Variants in POLE observed in about 807,000 individuals in gnomAD.
The protein encoded by POLE is DNA polymerase epsilon, catalytic subunit.
POLE carries 188 observed loss-of-function variants against 279.2 expected under a neutral mutation model. The observed-to-expected ratio is 0.67, with a 90% CI of 0.60 to 0.76. POLE has a LOEUF of 0.76. Ranked by LOEUF, POLE falls within the 30% of genes least tolerant of loss-of-function variation. The probability of loss-of-function intolerance (pLI) is 0.00; values close to 1 mark genes in which losing one functional copy is unlikely to be tolerated. For synonymous variants in POLE, 1,214 were observed against 1,172.5 expected (o/e 1.04, Z -0.72); for missense variants, 2,703 against 3,016.7 (o/e 0.90, Z 2.44).
rs1593085858 is a variant in POLE, at chr12:132,679,965, C to A, written c.412G>T (p.Asp138Tyr). 6.2e-7 allele frequency: 1 copy of A among 1,611,826 alleles called. No individual in the cohort carries two copies. The highest frequency in any genetic ancestry group is 8.5e-7 in the Non-Finnish European group (1 of 1,178,264). ...TGGGTGATACTCACCAAGTCCAGAT[C>A]CTCTTTGGGGACAGTCTCCACTTTT... is the stretch of plus-strand genomic sequence containing the variant. ...IAKVETVPKE[D>Y]LDLPNHLVGL... Residue 138 changes from aspartate (D) to tyrosine (Y), a missense_variant, in exon 5 of 49, where the codon GAT becomes TAT. By Grantham distance (160) the Asp-to-Tyr change is radical (BLOSUM62 -3). Coordinates refer to ENST00000320574, the MANE Select transcript of POLE (RefSeq NM_006231.4).
intron 32 of POLE, among the ~76,000 whole-genome samples, chr12:132,646,852 A>G (rs1417674864): frequency 2.0e-5 from 3 of 151,950 alleles, no homozygotes; most frequent in Non-Finnish European, 4.4e-5. Context: ...ACAAACAAAT[A>G]AAAATAAATA....
At position 132,673,686 on chromosome 12, in the gene POLE, G is replaced by A. The variant is rs2136000621; in HGVS notation, c.1248C>T (p.Tyr416=). ...TGAGATTATGACTGCCCACAGGAAG[G>A]TAACTGTCCCTCTTCACCCACCTGG... is the stretch of plus-strand genomic sequence containing the variant. ...DCLRWVKRDS[Y]LPVGSHNLKA... is the part of the protein sequence containing the mutation. Residue 416 remains tyrosine, a synonymous_variant, in exon 13 of 49, where the codon TAC becomes TAT. Coordinates refer to ENST00000320574, the MANE Select transcript of POLE (RefSeq NM_006231.4). 6.2e-7 allele frequency: 1 copy of A among 1,613,990 alleles called. No individual in the cohort carries two copies. The highest frequency in any genetic ancestry group is 8.5e-7 in the Non-Finnish European group (1 of 1,180,000).
intron 38 of POLE, 130 bp from the exon 39 acceptor site, chr12:132,641,981 G>C: frequency 4.1e-6 from 4 of 978,036 alleles, no homozygotes; most frequent in Non-Finnish European, 6.2e-6. Context: ...CCTCACACCT[G>C]CCAGGCTATT....
At chr12:132,667,434 G>A (rs1565964405) in intron 20 of POLE, 69 bp downstream of exon 20, 3 of 1,524,026 alleles carry the variant, frequency 2.0e-6, no homozygotes, top group Non-Finnish European at 1.8e-6. Flanking sequence ...GGAGCCAAGA[G>A]TGCCCACTTC....
At chr12:132,679,704 G>C in intron 5 of POLE, 53 bp from the exon 6 acceptor site, 3 of 1,567,002 alleles carry the variant, frequency 1.9e-6, no homozygotes, top group Non-Finnish European at 2.6e-6. Flanking sequence ...GGACTTTATG[G>C]GTGAGAGGGT....
At chr12:132,671,792 C>T (rs2042934626) in intron 16 of POLE, among the ~76,000 whole-genome samples, 1 of 151,248 alleles carries the variant, frequency 6.6e-6, no homozygotes, top group African/African-American at 2.4e-5. Context: ...TGTAAGTGTG[C>T]TTTCTAACCA....
Position 132,639,008 on chromosome 12 carries a change from C to T in POLE, c.5552+117G>A, listed in dbSNP as rs2042087494. ...CCTTTGGATTGTTATGCTCCACAAA[C>T]TCAGAAATACACTACTTATCCCAGA... On this transcript the variant is annotated intron_variant, in intron 40 of 48. Coordinates refer to ENST00000320574, the MANE Select transcript of POLE (RefSeq NM_006231.4). The surrounding 1 kb of genome is among the most constrained non-coding windows in gnomAD (Gnocchi z 4.7). 2 of 883,872 alleles carry T rather than the reference C, an allele frequency of 2.3e-6. No individual in the cohort carries two copies. Among genetic ancestry groups the T allele is most frequent in the East Asian group, 2.4e-5 (1 of 41,062 alleles). 54.8% of individuals were successfully genotyped at this position (883,872 alleles called of 1,614,324 possible). A position where few individuals can be genotyped will look rare whatever the true frequency, so the allele number is the denominator to read the frequency against.
rs1489845262 is a variant in POLE, at chr12:132,634,331, C to T, written c.5859G>A (p.Glu1953=). ...AGGAEDEQEN[E]DDEEERDGEE... is the part of the protein sequence containing the mutation. ...CCCCATCTCTTTCCTCCTCATCGTC[C>T]TCATTTTCCTGCTCATCCTCTGCTC... The change falls in exon 43 of 49, where the codon GAG becomes GAA. Residue 1953 remains glutamate, a synonymous_variant. Coordinates refer to ENST00000320574, the MANE Select transcript of POLE (RefSeq NM_006231.4). This position sits in a 1 kb window ranked among gnomAD's most constrained non-coding sequence, Gnocchi z 4.0. 1.2e-6 allele frequency: 2 copies of T among 1,614,088 alleles called. No individual in the cohort carries two copies.
chr12:132,680,558 A>G (rs1241413259), intron 3 of POLE, 49 bp downstream of exon 3: 2 of 1,393,468 alleles, frequency 1.4e-6, no homozygotes, highest in Non-Finnish European at 1.0e-6. Context: ...ACAGAGCTAC[A>G]TGAACACCCA....
At chr12:132,680,478 C>T (rs955126771) in intron 3 of POLE, 129 bp downstream of exon 3, 1 of 753,736 alleles carries the variant, frequency 1.3e-6, no homozygotes, top group African/African-American at 1.7e-5. Context: ...ATGGGGCCTC[C>T]AGGGGCCCGA....
chr12:132,634,088 C>G lies in POLE; in HGVS notation c.6004+98G>C. ...GGCAGGCTCCGCCCGATCTGATTTT[C>G]CCTGTCTCCCTTCTTGCGATACCAT... On this transcript the variant is annotated intron_variant, in intron 43 of 48. Transcript: ENST00000320574. This position sits in a 1 kb window ranked among gnomAD's most constrained non-coding sequence, Gnocchi z 4.0. 8.8e-7 allele frequency: 1 copy of G among 1,130,544 alleles called. No individual in the cohort carries two copies. The highest frequency in any genetic ancestry group is 1.3e-6 in the Non-Finnish European group (1 of 782,550). 70.0% of individuals were successfully genotyped at this position (1,130,544 alleles called of 1,614,324 possible).
intron 43 of POLE, 159 bp from the exon 44 acceptor site, chr12:132,632,954 T>G: frequency 1.4e-6 from 1 of 726,232 alleles, no homozygotes; most frequent in Admixed American, 3.2e-5. Context: ...AAAAGTAAAT[T>G]AGAGAAGTGA....
chr12:132,672,396 G>T, intron 15 of POLE, 74 bp from the exon 16 acceptor site: 1 of 1,269,450 alleles, frequency 7.9e-7, no homozygotes, highest in Non-Finnish European at 1.1e-6. Context: ...TTGACGCTGT[G>T]GCTGCACGTG....
chr12:132,679,720 C>A lies in POLE; in HGVS notation c.424-69G>T, dbSNP rs952951787. The A allele has an allele frequency of 7.8e-6, 12 of 1,532,576 alleles. No individual in the cohort carries two copies. In the African/African-American group the frequency reaches 8.2e-5, roughly 10 times the overall value. 94.9% of individuals were successfully genotyped at this position (1,532,576 alleles called of 1,614,324 possible). A position where few individuals can be genotyped will look rare whatever the true frequency, so the allele number is the denominator to read the frequency against. On this transcript the variant is annotated intron_variant, in intron 5 of 48. Transcript: ENST00000320574. ...GACTTTATGGGTGAGAGGGTAAACA[C>A]TCAAAGGTAAACACACAAGTCAAAG...
chr12:132,667,538 G>T lies in POLE; in HGVS notation c.2284C>A (p.Arg762=). 1 of 1,613,882 alleles carries T rather than the reference G, an allele frequency of 6.2e-7. No individual in the cohort carries two copies. Among genetic ancestry groups the T allele is most frequent in the East Asian group, 2.2e-5 (1 of 44,842 alleles). Residue 762 remains arginine, a synonymous_variant, in exon 20 of 49, where the codon CGG becomes AGG. Transcript: ENST00000320574. ...SFYVDTVRAF[R]DRRYEFKGLH... is the part of the protein sequence containing the mutation. ...CCTTTGAACTCGTAACGCCTGTCCC[G>T]GAAGGCACGCACGGTGTCCACGTAG...
At chr12:132,627,261 GAC>G (rs1269560063) in intron 45 of POLE, among the ~76,000 whole-genome samples, 1 of 151,176 alleles carries the variant, frequency 6.6e-6, no homozygotes, top group Non-Finnish European at 1.5e-5. Context: ...CAGCCTGAGT[GAC>G]AGAGTGAGAC....
chr12:132,686,508 G>T (rs2043272108), intron 1 of POLE, among the ~76,000 whole-genome samples: 1 of 152,024 alleles, frequency 6.6e-6, no homozygotes, highest in South Asian at 2.1e-4. Context: ...GCCGAGGCGG[G>T]CGGATCACCT....
Position 132,675,965 on chromosome 12 carries a change from G to C in POLE, c.1020+129C>G. On this transcript the variant is annotated intron_variant, in intron 10 of 48. Coordinates refer to ENST00000320574, the MANE Select transcript of POLE (RefSeq NM_006231.4). The surrounding 1 kb of genome is among the most constrained non-coding windows in gnomAD (Gnocchi z 4.3). ...TCCGCCCGTCTCTGGCAGAAAAGAC[G>C]GTCATACCCTGAGAACAAAGCTCAT... 6 of 933,210 alleles carry C rather than the reference G, an allele frequency of 6.4e-6. No homozygotes were observed. Among genetic ancestry groups the C allele is most frequent in the Non-Finnish European group, 1.0e-5 (6 of 595,766 alleles). 57.8% of individuals were successfully genotyped at this position (933,210 alleles called of 1,614,324 possible).
intron 27 of POLE, among the ~76,000 whole-genome samples, chr12:132,657,644 C>T (rs986474410): frequency 6.6e-6 from 1 of 152,216 alleles, no homozygotes; most frequent in Non-Finnish European, 1.5e-5. Context: ...TGAGCCAACA[C>T]CCCTGGCCTT....
Sources: allele counts gnomAD v4.1 joint callset (sites outside exome capture counted in the v4.1 genomes callset), GRCh38; gene constraint gnomAD v4.1.1; non-coding constraint Gnocchi (gnomAD v3.1); transcripts MANE v1.5; gene names NCBI Gene and HGNC (gene_info 2026-07-23, HGNC 2026-07-21).